The following UBR4 variants were observed in gnomAD, a reference collection of about 807,000 sequenced individuals.
UBR4 encodes ubiquitin protein ligase E3 component n-recognin 4, also known as E3 ubiquitin-protein ligase UBR4.
UBR4 carries 124 observed loss-of-function variants against 575.6 expected under a neutral mutation model. That is an observed-to-expected ratio of 0.22 (90% confidence interval 0.19 to 0.25). UBR4 has a LOEUF of 0.25. UBR4 is among the 10% of genes least tolerant of loss of function. UBR4 has a pLI of 1.00. For missense variants in UBR4, 4,818 were observed against 6,478.8 expected, an observed-to-expected ratio of 0.74 and a Z score of 8.80; for synonymous variants, 2,455 against 2,473.7, an observed-to-expected ratio of 0.99 and a Z score of 0.22.
chr1:19,197,714 G>A lies in UBR4; in HGVS notation c.849C>T (p.Phe283=). The change falls in exon 7 of 106, where the codon TTC becomes TTT. Residue 283 remains phenylalanine, a synonymous_variant. Transcript: ENST00000375254. ...CATCTGCTACTGTTGCAGGCATTATGAAGAAGGAATTAGCTAAAACTGCAT... is the reference window on the plus strand; with the variant it reads ...CATCTGCTACTGTTGCAGGCATTATAAAGAAGGAATTAGCTAAAACTGCAT... ...FQDAVLANSF[F]IMPATVADAT... is the part of the protein sequence containing the mutation. 6.2e-7 allele frequency: 1 copy of A among 1,614,208 alleles called. No individual in the cohort carries two copies. The highest frequency in any genetic ancestry group is 8.5e-7 in the Non-Finnish European group (1 of 1,180,042).
intron 67 of UBR4, among the ~76,000 whole-genome samples, 159 bp from the exon 68 acceptor site, chr1:19,121,593 T>A (rs2081185828): frequency 1.3e-5 from 2 of 152,196 alleles, no homozygotes; most frequent in Non-Finnish European, 2.9e-5. Flanking sequence ...ATACTTTCTG[T>A]GGAAATCTCT....
intron 86 of UBR4, 109 bp from the exon 87 acceptor site, chr1:19,104,366 G>A: frequency 1.4e-6 from 2 of 1,402,298 alleles, no homozygotes; most frequent in Non-Finnish European, 1.9e-6. Context: ...ATCTATCTTT[G>A]TGCATGGCAC....
In UBR4 at chr1:19,164,365, C is replaced by CA; in HGVS notation, c.4587dup (p.Asp1530Ter). On this transcript the variant is annotated frameshift_variant, in exon 33 of 106. Coordinates refer to ENST00000375254, the MANE Select transcript of UBR4 (RefSeq NM_020765.3). LOFTEE classifies it high-confidence loss of function. ...ATAAGTTCAGGGAAGCCAGTCCCAT[C>CA]ACCGTTGGCCAGCATCTCTGTTGCC... 6.2e-7 allele frequency: 1 copy of CA among 1,614,218 alleles called. No homozygotes were observed. The highest frequency in any genetic ancestry group is 8.5e-7 in the Non-Finnish European group (1 of 1,180,036).
chr1:19,095,465 T>C (rs114817025), intron 93 of UBR4, 80 bp downstream of exon 93: 43 of 1,367,172 alleles, frequency 3.1e-5, no homozygotes, highest in Non-Finnish European at 4.3e-5. Context: ...GTCCATTTCA[T>C]CTGAGCCCAG....
At chr1:19,127,597 A>C (rs772757403) in intron 63 of UBR4, 26 bp downstream of exon 63, 1 of 1,595,298 alleles carries the variant, frequency 6.3e-7, no homozygotes, top group South Asian at 1.1e-5. Flanking sequence ...CCTTTCCCCA[A>C]ACCCATGAAC....
At chr1:19,130,317 G>A (rs2082276532) in intron 60 of UBR4, among the ~76,000 whole-genome samples, 1 of 152,192 alleles carries the variant, frequency 6.6e-6, no homozygotes, top group South Asian at 2.1e-4. Flanking sequence ...CTTGGAGGCT[G>A]AGGCAGGAGT....
At chr1:19,096,446 T>C in intron 92 of UBR4, 77 bp downstream of exon 92, 1 of 1,551,576 alleles carries the variant, frequency 6.4e-7, no homozygotes, top group South Asian at 1.2e-5. Flanking sequence ...AATGACACAG[T>C]GGCCATAGCT....
At position 19,164,979 on chromosome 1, in the gene UBR4, G is replaced by T. The variant is rs761514484; in HGVS notation, c.4331C>A (p.Pro1444Gln). The T allele has an allele frequency of 5.0e-6, 8 of 1,613,864 alleles. No homozygotes were observed. Among genetic ancestry groups the T allele is most frequent in the African/African-American group, 1.3e-5 (1 of 74,910 alleles). The part of the protein sequence containing the change: ...LFQLTEKSPN[P>Q]SLLHLCGSLA... ...GGAGCCACAGAGATGCAACAGGCTC[G>T]GGTTAGGGCTCTTCTCAGCTAGGAG... The change falls in exon 32 of 106, where the codon CCG (proline) becomes CAG (glutamine). Residue 1444 changes from proline (P) to glutamine (Q), a missense_variant. Transcript: ENST00000375254.
intron 60 of UBR4, among the ~76,000 whole-genome samples, chr1:19,137,753 A>C (rs951690770): frequency 6.6e-6 from 1 of 152,188 alleles, no homozygotes; most frequent in Non-Finnish European, 1.5e-5. Flanking sequence ...ATCACTTTAC[A>C]GTTACTAAGA....
chr1:19,153,335 C>G lies in UBR4; in HGVS notation c.6798G>C (p.Met2266Ile), dbSNP rs1173728555. Residue 2266 changes from methionine to isoleucine, a missense_variant, in exon 46 of 106, where the codon ATG becomes ATC. By Grantham distance (10) the Met-to-Ile change is conservative (BLOSUM62 1). Coordinates refer to ENST00000375254, the MANE Select transcript of UBR4 (RefSeq NM_020765.3). The surrounding 1 kb of genome is among the most constrained non-coding windows in gnomAD (Gnocchi z 4.1). The part of the protein sequence containing the change: ...SLQPSSVISI[M>I]KPVRKRKTAT... Reference sequence around the variant, plus strand: ...CTGTTTTGCGCTTTCGAACAGGCTTCATGATGCTGATGACACTGCTGGGCT... The same window carrying G: ...CTGTTTTGCGCTTTCGAACAGGCTTGATGATGCTGATGACACTGCTGGGCT... 6.2e-7 allele frequency: 1 copy of G among 1,614,204 alleles called. No homozygotes were observed. Among genetic ancestry groups the G allele is most frequent in the Admixed American group, 1.7e-5 (1 of 60,022 alleles).
At chr1:19,195,555 AAAAT>A in intron 8 of UBR4, among the ~76,000 whole-genome samples, 1 of 152,312 alleles carries the variant, frequency 6.6e-6, no homozygotes, top group South Asian at 2.1e-4. Flanking sequence ...CCTGGAAATC[AAAAT>A]AAATAAACCC....
intron 11 of UBR4, among the ~76,000 whole-genome samples, chr1:19,187,778 C>T (rs2091686414): frequency 6.6e-6 from 1 of 152,098 alleles, no homozygotes; most frequent in African/African-American, 2.4e-5. Flanking sequence ...AACTCCTGGA[C>T]TAGGCTGGGC....
At chr1:19,149,921 A>C (rs1043190309) in intron 49 of UBR4, 3 of 641,186 alleles carry the variant, frequency 4.7e-6, no homozygotes, top group South Asian at 1.9e-5. Flanking sequence ...AAAGGAAGGG[A>C]GGGAGGAGGC....
rs770876650 is a variant in UBR4, at chr1:19,106,559, G to T, written c.12393+10C>A. On this transcript the variant is annotated intron_variant, in intron 83 of 105. Transcript: ENST00000375254. ...CGCAGGGGGTGAAGAGTCCAGAAGTGGCCACTCACTTGTCGCAGCCAGTTG... is the reference window on the plus strand; with the variant it reads ...CGCAGGGGGTGAAGAGTCCAGAAGTTGCCACTCACTTGTCGCAGCCAGTTG... 22 of 1,552,410 alleles carry T rather than the reference G, an allele frequency of 1.4e-5. No homozygotes were observed. Among genetic ancestry groups the T allele is most frequent in the Non-Finnish European group, 1.9e-5 (22 of 1,150,906 alleles).
Position 19,088,043 on chromosome 1 carries a change from G to T in UBR4, c.14431-114C>A. 3 of 759,234 alleles carry T rather than the reference G, an allele frequency of 4.0e-6. No individual in the cohort carries two copies. Among genetic ancestry groups the T allele is most frequent in the Non-Finnish European group, 4.5e-6 (2 of 445,906 alleles). 47.0% of individuals were successfully genotyped at this position (759,234 alleles called of 1,614,324 possible). ...TTCTACCTCCACTAAAAGGACAGGT[G>T]CATGAGAGGAAAGCCCTTGAGCTGT... is the stretch of plus-strand genomic sequence containing the variant. On this transcript the variant is annotated intron_variant, in intron 98 of 105. Coordinates refer to ENST00000375254, the MANE Select transcript of UBR4 (RefSeq NM_020765.3). The surrounding 1 kb of genome is among the most constrained non-coding windows in gnomAD (Gnocchi z 4.0).
chr1:19,121,266 C>G lies in UBR4; in HGVS notation c.10064G>C (p.Ser3355Thr). The change falls in exon 68 of 106, where the codon AGT becomes ACT. Residue 3355 changes from serine to threonine, a missense_variant. Coordinates refer to ENST00000375254, the MANE Select transcript of UBR4 (RefSeq NM_020765.3). The part of the protein sequence containing the change: ...ASSSSAPVAA[S>T]SGQATTQSKS... ...GGACTGTGTTGTGGCTTGTCCAGAACTGGCAGCCACAGGGGCTGAGGAGGA... is the reference window on the plus strand; with the variant it reads ...GGACTGTGTTGTGGCTTGTCCAGAAGTGGCAGCCACAGGGGCTGAGGAGGA... 2 of 1,613,970 alleles carry G rather than the reference C, an allele frequency of 1.2e-6. No individual in the cohort carries two copies. Among genetic ancestry groups the G allele is most frequent in the Middle Eastern group, 3.3e-4 (2 of 6,046 alleles).
Position 19,148,245 on chromosome 1 carries a change from G to T in UBR4, c.7495-118C>A, listed in dbSNP as rs1369449780. The T allele has an allele frequency of 4.6e-6, 6 of 1,317,062 alleles. No individual in the cohort carries two copies. The Admixed American group carries it at 1.4e-4, about 32-fold the overall frequency. The allele number at this position is 1,317,062 out of a possible 1,614,324, so 81.6% of individuals were successfully genotyped here. The stretch of plus-strand genomic sequence containing the variant: ...CCACCAGGGCTAGGTTATGCTCCAT[G>T]GACTGCAAAGAGAAAAAAAAAAAAG... On this transcript the variant is annotated intron_variant, in intron 50 of 105. Coordinates refer to ENST00000375254, the MANE Select transcript of UBR4 (RefSeq NM_020765.3).
intron 17 of UBR4, among the ~76,000 whole-genome samples, chr1:19,181,442 A>G (rs886597110): frequency 6.6e-6 from 1 of 152,126 alleles, no homozygotes; most frequent in Non-Finnish European, 1.5e-5. Flanking sequence ...TCTATTAATG[A>G]CAATAGCATC....
chr1:19,182,620 C>T (rs2091102490), intron 17 of UBR4, among the ~76,000 whole-genome samples: 1 of 152,196 alleles, frequency 6.6e-6, no homozygotes, highest in Non-Finnish European at 1.5e-5. Flanking sequence ...TCTCCACATC[C>T]TCACCAACAC....
Sources: allele counts gnomAD v4.1 joint callset (sites outside exome capture counted in the v4.1 genomes callset), GRCh38; gene constraint gnomAD v4.1.1; non-coding constraint Gnocchi (gnomAD v3.1); transcripts MANE v1.5; gene names NCBI Gene and HGNC (gene_info 2026-07-23, HGNC 2026-07-21).